Variants in LRRC4C observed in about 807,000 individuals in gnomAD.
LRRC4C encodes the protein leucine-rich repeat-containing protein 4C.
A neutral mutation model predicts 33.6 loss-of-function variants in LRRC4C; 5 were observed. The observed-to-expected ratio is 0.15, with a 90% CI of 0.08 to 0.31. The LOEUF is 0.31. Ranked by LOEUF, LRRC4C falls within the 10% of genes least tolerant of loss-of-function variation. The pLI, the probability that LRRC4C is intolerant of heterozygous loss-of-function variation, is 1.00. For missense variants in LRRC4C, 560 were observed against 796.7 expected, an observed-to-expected ratio of 0.70 and a Z score of 3.58; for synonymous variants, 329 against 302.0, an observed-to-expected ratio of 1.09 and a Z score of -0.93.
At chr11:40,835,087 G>C (rs1237229878) in intron 2 of LRRC4C, among the ~76,000 whole-genome samples, 2 of 152,070 alleles carry the variant, frequency 1.3e-5, no homozygotes, top group Non-Finnish European at 2.9e-5. Flanking sequence ...TTCAGTAGGA[G>C]CATTCATGTA....
At chr11:40,996,358 C>T (rs1430356194) in intron 1 of LRRC4C, among the ~76,000 whole-genome samples, 2 of 151,286 alleles carry the variant, frequency 1.3e-5, no homozygotes, top group African/African-American at 2.4e-5. Context: ...TTTTTCACTG[C>T]CTTAAAAAAA....
Position 40,578,140 on chromosome 11 carries a change from G to GTTT in LRRC4C, c.-270+70001_-270+70002insAAA, listed in dbSNP as rs1491105578. On this transcript the variant is annotated intron_variant, in intron 3 of 6. Coordinates refer to ENST00000528697, the MANE Select transcript of LRRC4C (RefSeq NM_001258419.2). ...TGATATTATTGGACTTTTTTTTTTC[G>GTTT]GTTTTTTTTTTTTTTTTTTTTTTTT... 1.2e-3 allele frequency among the ~76,000 whole-genome samples: 50 copies of GTTT among 40,570 alleles called. 20 individuals are homozygous for GTTT. Among genetic ancestry groups the GTTT allele is most frequent in the African/African-American group, 2.8e-3 (20 of 7,096 alleles). The allele number at this position is 40,570 out of a possible 152,430, so 26.6% of individuals were successfully genotyped here.
intron 3 of LRRC4C, among the ~76,000 whole-genome samples, chr11:40,633,396 T>TCTCTCTCTCTCTCTCTCTTTCTTTC (rs1565581276): frequency 1.2e-5 from 1 of 86,758 alleles, no homozygotes; most frequent in African/African-American, 5.9e-5. Flanking sequence ...TCTTTCTTTC[T>TCTCTCTCTCTCTCTCTCTTTCTTTC]TTTTTTTTTT....
chr11:41,346,013 A>G (rs1951793025), intron 1 of LRRC4C, among the ~76,000 whole-genome samples: 1 of 152,210 alleles, frequency 6.6e-6, no homozygotes, highest in Non-Finnish European at 1.5e-5. Context: ...AAGTATTCTA[A>G]GGAACACATG....
chr11:40,174,725 A>G (rs1340772539), intron 5 of LRRC4C, among the ~76,000 whole-genome samples: 1 of 152,240 alleles, frequency 6.6e-6, no homozygotes, highest in Non-Finnish European at 1.5e-5. Context: ...ATGAAGACAA[A>G]GAAAAAAGTG....
chr11:40,638,196 T>C (rs1259565123), intron 3 of LRRC4C, among the ~76,000 whole-genome samples: 1 of 152,228 alleles, frequency 6.6e-6, no homozygotes, highest in Non-Finnish European at 1.5e-5. Flanking sequence ...TTTGTTTTAC[T>C]TTTTTGCTTA....
At chr11:40,965,801 G>A (rs11036162) in intron 1 of LRRC4C, among the ~76,000 whole-genome samples, 35,189 of 151,412 alleles carry the variant, frequency 0.23, 4,449 homozygotes, top group Middle Eastern at 0.32. Context: ...GTCAGGTAGC[G>A]TGATGCCTCC....
intron 3 of LRRC4C, among the ~76,000 whole-genome samples, chr11:40,633,325 T>TTCTCTTTCTTTCTTTCTTTCC: frequency 8.9e-6 from 1 of 112,246 alleles, no homozygotes; most frequent in South Asian, 3.4e-4. Context: ...CAAGTTTTCT[T>TTCTCTTTCTTTCTTTCTTTCC]TTTCTTTCTT....
chr11:41,048,260 C>CTTTTTTTTT (rs35599405), intron 1 of LRRC4C, among the ~76,000 whole-genome samples: 2 of 107,102 alleles, frequency 1.9e-5, no homozygotes, highest in African/African-American at 3.6e-5. Flanking sequence ...AGATTCTTTA[C>CTTTTTTTTT]TTTTTTTTTT....
At chr11:41,011,848 T>TATATTATATTATATTATATTA (rs1280598237) in intron 1 of LRRC4C, among the ~76,000 whole-genome samples, 9 of 148,294 alleles carry the variant, frequency 6.1e-5, no homozygotes, top group African/African-American at 2.2e-4. Flanking sequence ...TATATTATAT[T>TATATTATATTATATTATATTA]ATGTTACATG....
chr11:40,675,855 A>T (rs911291061), intron 2 of LRRC4C, among the ~76,000 whole-genome samples: 3 of 152,152 alleles, frequency 2.0e-5, no homozygotes, highest in Admixed American at 1.3e-4. Context: ...CTCAGTCTAA[A>T]TTTCTAAATT....
intron 1 of LRRC4C, among the ~76,000 whole-genome samples, chr11:41,262,197 G>C (rs1293288591): frequency 1.3e-5 from 2 of 151,896 alleles, no homozygotes; most frequent in African/African-American, 4.8e-5. Flanking sequence ...GCCAGATTTT[G>C]TTTGAAAAAA....
chr11:40,593,202 C>T (rs1205394784), intron 3 of LRRC4C, among the ~76,000 whole-genome samples: 1 of 152,078 alleles, frequency 6.6e-6, no homozygotes, highest in Non-Finnish European at 1.5e-5. Flanking sequence ...TTTAGAGAGA[C>T]TTGACACAGG....
At chr11:41,037,113 G>A (rs551486935) in intron 1 of LRRC4C, among the ~76,000 whole-genome samples, 2 of 151,106 alleles carry the variant, frequency 1.3e-5, no homozygotes, top group East Asian at 2.0e-4. Flanking sequence ...ACGCAGGCTG[G>A]GCCATCAAAG....
intron 1 of LRRC4C, among the ~76,000 whole-genome samples, chr11:41,243,369 T>G (rs1482954980): frequency 1.3e-5 from 2 of 152,222 alleles, no homozygotes. Flanking sequence ...TTCACTTTCC[T>G]TTTTCAGTTC....
intron 1 of LRRC4C, among the ~76,000 whole-genome samples, chr11:40,994,143 C>T (rs567004945): frequency 1.1e-3 from 170 of 151,586 alleles, no homozygotes; most frequent in Non-Finnish European, 4.1e-4. Context: ...CACACTTTGG[C>T]GTGACACTTT....
chr11:40,522,576 A>G (rs78654641), intron 3 of LRRC4C, among the ~76,000 whole-genome samples: 9,836 of 152,220 alleles, frequency 0.065, 837 homozygotes, highest in African/African-American at 0.2. Flanking sequence ...TGAGGATACT[A>G]AGCAACTGAA....
chr11:40,197,638 C>T (rs7948897), intron 5 of LRRC4C, among the ~76,000 whole-genome samples: 1 of 152,148 alleles, frequency 6.6e-6, no homozygotes, highest in Non-Finnish European at 1.5e-5. Context: ...TCTAGAACTC[C>T]ATCATTCCCC....
At chr11:41,314,799 A>G (rs1180299144) in intron 1 of LRRC4C, among the ~76,000 whole-genome samples, 4 of 152,066 alleles carry the variant, frequency 2.6e-5, no homozygotes, top group Non-Finnish European at 5.9e-5. Context: ...AAGTATAATA[A>G]TAAAAAAAAA....
Sources: gnomAD v4.1 joint callset for allele counts (sites outside exome capture counted in the v4.1 genomes callset) on GRCh38, gnomAD v4.1.1 for gene constraint, MANE v1.5 for transcripts, NCBI Gene and HGNC (gene_info 2026-07-23, HGNC 2026-07-21) for gene names.